NELL1: variants seen among roughly 807,000 people sequenced by gnomAD.
The protein encoded by NELL1 is neural EGFL like 1.
A neutral mutation model predicts 107.4 loss-of-function variants in NELL1; 76 were observed. The ratio of observed to expected loss-of-function variants is 0.71; its 90% CI spans 0.59 to 0.86. The LOEUF (loss-of-function observed/expected upper bound fraction) is 0.86, where lower values mean the gene tolerates loss of function less well. Ranked by LOEUF, NELL1 falls within the 40% of genes least tolerant of loss-of-function variation. The probability of loss-of-function intolerance (pLI) is 0.00; values close to 1 mark genes in which losing one functional copy is unlikely to be tolerated. For synonymous variants in NELL1, 353 were observed against 341.2 expected (o/e 1.03, Z -0.38); for missense variants, 1,024 against 1,005.5 (o/e 1.02, Z -0.25).
At chr11:20,941,802 G>A (rs536306646) in intron 10 of NELL1, among the ~76,000 whole-genome samples, 5 of 152,142 alleles carry the variant, frequency 3.3e-5, no homozygotes, top group Non-Finnish European at 5.9e-5. Context: ...GGTCATGGGC[G>A]TGGATAGAGG....
Position 21,534,408 on chromosome 11 carries a change from C to G in NELL1, c.1680C>G (p.Cys560Trp), listed in dbSNP as rs778350629. 1 of 1,613,840 alleles carries G rather than the reference C, an allele frequency of 6.2e-7. No individual in the cohort carries two copies. Among genetic ancestry groups the G allele is most frequent in the South Asian group, 1.1e-5 (1 of 91,074 alleles). ...AATGTTCAGAGGGAATCATTGAGTG[C>G]CACAACCATTCCCGCTGCGTTAACC... Reference protein sequence around the residue: ...IDECSEGIIECHNHSRCVNLP... With the variant: ...IDECSEGIIEWHNHSRCVNLP... The change falls in exon 16 of 20, where the codon TGC (cysteine) becomes TGG (tryptophan). Residue 560 changes from cysteine (C) to tryptophan (W), a missense_variant. Physicochemically the swap from Cys to Trp is radical, Grantham distance 215 (BLOSUM62 -2). Coordinates refer to ENST00000357134, the MANE Select transcript of NELL1 (RefSeq NM_006157.5).
Position 20,965,322 on chromosome 11 carries a change from A to G in NELL1, c.1300+4762A>G, listed in dbSNP as rs1443028552. ...TTAGCAAATTGTCTGGTATTCACTA[A>G]ATATTGAATAGATCACAGTTATTAT... On this transcript the variant is annotated intron_variant, in intron 12 of 19. Transcript: ENST00000357134. Among the ~76,000 whole-genome samples the G allele has an allele frequency of 2.0e-5, 3 of 152,220 alleles. No homozygotes were observed. In the East Asian group the frequency reaches 5.8e-4, roughly 29 times the overall value.
At chr11:20,800,518 CTT>C (rs1857261205) in intron 3 of NELL1, among the ~76,000 whole-genome samples, 1 of 152,108 alleles carries the variant, frequency 6.6e-6, no homozygotes, top group South Asian at 2.1e-4. Flanking sequence ...CTATTCCTGT[CTT>C]TTGTCCATTT....
chr11:21,144,679 G>A (rs1855938929), intron 13 of NELL1, among the ~76,000 whole-genome samples: 1 of 152,160 alleles, frequency 6.6e-6, no homozygotes, highest in South Asian at 2.1e-4. Context: ...ACTGTCTCAA[G>A]AGCGTGATAG....
intron 5 of NELL1, among the ~76,000 whole-genome samples, chr11:20,915,717 A>ATATATATATATATATATATT: frequency 0.014 from 810 of 58,148 alleles, 28 homozygotes; most frequent in Non-Finnish European, 0.019. Flanking sequence ...ATATATATAT[A>ATATATATATATATATATATT]TTTTTTTTTT....
chr11:21,496,002 T>C (rs1449766577), intron 15 of NELL1, among the ~76,000 whole-genome samples: 1 of 152,128 alleles, frequency 6.6e-6, no homozygotes, highest in Non-Finnish European at 1.5e-5. Flanking sequence ...TTGTTATTGC[T>C]TTCTATTTTG....
chr11:21,011,474 T>A (rs1370355349), intron 12 of NELL1, among the ~76,000 whole-genome samples: 5 of 152,158 alleles, frequency 3.3e-5, no homozygotes, highest in African/African-American at 1.2e-4. Flanking sequence ...GAGTTTCCTA[T>A]GTTGGACCAA....
intron 14 of NELL1, among the ~76,000 whole-genome samples, chr11:21,259,742 T>C (rs1435918237): frequency 6.7e-6 from 1 of 150,190 alleles, no homozygotes; most frequent in Non-Finnish European, 1.5e-5. Flanking sequence ...CTTTTTCTTT[T>C]TTATTCTGTG....
chr11:21,343,861 A>G (rs1329655690), intron 14 of NELL1, among the ~76,000 whole-genome samples: 1 of 152,130 alleles, frequency 6.6e-6, no homozygotes, highest in East Asian at 1.9e-4. Flanking sequence ...CACCTAGCTC[A>G]GTGTCTGTGT....
intron 13 of NELL1, among the ~76,000 whole-genome samples, chr11:21,125,575 A>C (rs1172636445): frequency 6.6e-6 from 1 of 152,206 alleles, no homozygotes; most frequent in African/African-American, 2.4e-5. Context: ...GAATAATTTT[A>C]TCAGGCATAT....
chr11:21,398,802 A>C (rs1036278943), intron 15 of NELL1, among the ~76,000 whole-genome samples: 7 of 151,758 alleles, frequency 4.6e-5, no homozygotes, highest in African/African-American at 1.4e-4. Context: ...TCCTGATTTA[A>C]AAGGTTATTT....
chr11:21,198,552 T>C (rs1857201902), intron 13 of NELL1, among the ~76,000 whole-genome samples: 1 of 152,180 alleles, frequency 6.6e-6, no homozygotes, highest in Non-Finnish European at 1.5e-5. Flanking sequence ...GACAGGTGCG[T>C]CAGACTGCTG....
Position 20,967,822 on chromosome 11 carries a change from C to A in NELL1, c.1300+7262C>A, listed in dbSNP as rs115245043. Among the ~76,000 whole-genome samples the A allele has an allele frequency of 3.0e-3, 461 of 152,250 alleles. 2 individuals carry two copies. The highest frequency in any genetic ancestry group is 0.011 in the African/African-American group (448 of 41,554). Reference sequence around the variant, plus strand: ...CCTGTTGAAATTTGTCTCATAGCTCCCATGCCTCTTAGAATAATACCCAAA... The same window carrying A: ...CCTGTTGAAATTTGTCTCATAGCTCACATGCCTCTTAGAATAATACCCAAA... On this transcript the variant is annotated intron_variant, in intron 12 of 19. Coordinates refer to ENST00000357134, the MANE Select transcript of NELL1 (RefSeq NM_006157.5).
Position 21,047,989 on chromosome 11 carries a change from A to C in NELL1, c.1301-65600A>C, listed in dbSNP as rs192546019. Among the ~76,000 whole-genome samples, 181 of 152,260 alleles carry C rather than the reference A, an allele frequency of 1.2e-3. 1 individual carries two copies. Among genetic ancestry groups the C allele is most frequent in the African/African-American group, 4.0e-3 (168 of 41,570 alleles). On this transcript the variant is annotated intron_variant, in intron 12 of 19. Transcript: ENST00000357134. ...CCCAGAGCTGAGGTCTTTTGCCTTT[A>C]CACCCTTATGCTGATGGCAGTTCCA...
At chr11:20,941,743 C>T (rs1005821663) in intron 10 of NELL1, among the ~76,000 whole-genome samples, 9 of 152,074 alleles carry the variant, frequency 5.9e-5, no homozygotes, top group East Asian at 1.9e-4. Flanking sequence ...GAAAATAGAA[C>T]GCGAGGCCTA....
At chr11:20,740,551 A>C (rs1414780981) in intron 2 of NELL1, among the ~76,000 whole-genome samples, 1 of 152,108 alleles carries the variant, frequency 6.6e-6, no homozygotes, top group East Asian at 1.9e-4. Flanking sequence ...AGATCTAGGA[A>C]TCCTTCCCTC....
intron 3 of NELL1, among the ~76,000 whole-genome samples, chr11:20,824,729 T>G (rs950178526): frequency 6.6e-6 from 1 of 151,380 alleles, no homozygotes; most frequent in African/African-American, 2.4e-5. Context: ...GCCCTAGAGA[T>G]CTGTGAAACT....
chr11:20,756,883 G>A (rs1191335853), intron 2 of NELL1, among the ~76,000 whole-genome samples: 1 of 152,068 alleles, frequency 6.6e-6, no homozygotes, highest in African/African-American at 2.4e-5. Context: ...TGCATTTTAC[G>A]AGGAAAATTC....
intron 14 of NELL1, among the ~76,000 whole-genome samples, chr11:21,297,331 T>C (rs1220603116): frequency 6.6e-6 from 1 of 152,068 alleles, no homozygotes; most frequent in Non-Finnish European, 1.5e-5. Context: ...ACACCTATGG[T>C]ACTTCATCTA....
Sources: gnomAD v4.1 joint callset for allele counts (sites outside exome capture counted in the v4.1 genomes callset) on GRCh38, gnomAD v4.1.1 for gene constraint, MANE v1.5 for transcripts, NCBI Gene and HGNC (gene_info 2026-07-23, HGNC 2026-07-21) for gene names.